The following SORCS1 variants were observed in gnomAD, a reference collection of about 807,000 sequenced individuals.
The protein encoded by SORCS1 is VPS10 domain-containing receptor SorCS1.
In SORCS1, 60 loss-of-function variants were observed where a neutral mutation model predicts 146.1. That is an observed-to-expected ratio of 0.41 (90% CI 0.33 to 0.51). The LOEUF is 0.51. Ranked by LOEUF, SORCS1 falls within the 20% of genes least tolerant of loss-of-function variation. The probability of loss-of-function intolerance (pLI) is 0.21; values close to 1 mark genes in which losing one functional copy is unlikely to be tolerated. For synonymous variants in SORCS1, 637 were observed against 584.0 expected (o/e 1.09, Z -1.31); for missense variants, 1,352 against 1,487.6 (o/e 0.91, Z 1.50).
chr10:106,838,013 G>A (rs1192263828), intron 2 of SORCS1, among the ~76,000 whole-genome samples: 2 of 152,178 alleles, frequency 1.3e-5, no homozygotes, highest in African/African-American at 4.8e-5. Context: ...TTTGTTCACA[G>A]ATGTCTTCCT....
intron 2 of SORCS1, among the ~76,000 whole-genome samples, chr10:106,876,609 G>T (rs59967257): frequency 0.051 from 7,756 of 152,230 alleles, 507 homozygotes; most frequent in African/African-American, 0.15. Context: ...CTACACAGTG[G>T]GTGGCAGTGG....
intron 2 of SORCS1, among the ~76,000 whole-genome samples, chr10:106,872,280 TA>T (rs1950439207): frequency 6.6e-6 from 1 of 152,168 alleles, no homozygotes. Flanking sequence ...AGGAAGTATA[TA>T]AGAGGCAGAG....
intron 18 of SORCS1, among the ~76,000 whole-genome samples, chr10:106,647,015 A>G (rs200558611): frequency 0.21 from 22,080 of 105,698 alleles, 2,172 homozygotes; most frequent in East Asian, 0.53. Context: ...GTGTATATAT[A>G]TATATATATA....
At chr10:106,733,617 A>G (rs974336133) in intron 5 of SORCS1, among the ~76,000 whole-genome samples, 1 of 152,180 alleles carries the variant, frequency 6.6e-6, no homozygotes, top group Non-Finnish European at 1.5e-5. Flanking sequence ...AAGACCAACT[A>G]TGTGTTTCAT....
rs565320552 is a variant in SORCS1, at chr10:106,606,472, A to T, written c.3165+694T>A. The stretch of plus-strand genomic sequence containing the variant: ...ATAAAAGTTGAACCTGTTAAAAAAG[A>T]TATGCATGTCATGTCATTTGCTTCT... On this transcript the variant is annotated intron_variant, in intron 23 of 25. Coordinates refer to ENST00000263054, the MANE Select transcript of SORCS1 (RefSeq NM_052918.5). Among the ~76,000 whole-genome samples, 64 of 152,322 alleles carry T rather than the reference A, an allele frequency of 4.2e-4. 3 individuals are homozygous for T. The South Asian group carries it at 0.013, about 30-fold the overall frequency.
intron 1 of SORCS1, among the ~76,000 whole-genome samples, chr10:107,046,373 C>A (rs1199557067): frequency 1.3e-5 from 2 of 152,020 alleles, no homozygotes; most frequent in African/African-American, 4.8e-5. Flanking sequence ...TATGTGGCCA[C>A]ATTAATATGT....
At chr10:107,009,454 T>C (rs1036537783) in intron 1 of SORCS1, among the ~76,000 whole-genome samples, 9 of 152,244 alleles carry the variant, frequency 5.9e-5, no homozygotes, top group African/African-American at 2.4e-5. Flanking sequence ...CAAGTATGAA[T>C]GTTTAAATTG....
intron 8 of SORCS1, 138 bp downstream of exon 8, chr10:106,706,407 C>A (rs1486064975): frequency 7.6e-6 from 6 of 789,932 alleles, no homozygotes; most frequent in South Asian, 1.7e-5. Context: ...TAAGGCAGAG[C>A]AAACTTGGGA....
chr10:106,970,642 A>T (rs1388955470), intron 1 of SORCS1, among the ~76,000 whole-genome samples: 3 of 151,794 alleles, frequency 2.0e-5, no homozygotes. Flanking sequence ...ACACCCAACC[A>T]GTCTCTAAGG....
At chr10:107,032,719 G>C (rs1022533118) in intron 1 of SORCS1, among the ~76,000 whole-genome samples, 1 of 152,182 alleles carries the variant, frequency 6.6e-6, no homozygotes, top group Non-Finnish European at 1.5e-5. Context: ...GCAGGGAAAT[G>C]ACAACAGAGC....
At position 106,607,220 on chromosome 10, in the gene SORCS1, T is replaced by C. The variant is rs755132309; in HGVS notation, c.3111A>G (p.Leu1037=). The change falls in exon 23 of 26, where the codon CTA becomes CTG. Residue 1037 remains leucine, a synonymous_variant. Coordinates refer to ENST00000263054, the MANE Select transcript of SORCS1 (RefSeq NM_052918.5). ...TTTCTCCAGCTGGATCCTGATAGGGTAGGACAAAGAGTTCAGCAGTGGTGG... is the reference window on the plus strand; with the variant it reads ...TTTCTCCAGCTGGATCCTGATAGGGCAGGACAAAGAGTTCAGCAGTGGTGG... ...GLPTTAELFV[L]PYQDPAGENK... 10 of 1,613,884 alleles carry C rather than the reference T, an allele frequency of 6.2e-6. No homozygotes were observed. Among genetic ancestry groups the C allele is most frequent in the Non-Finnish European group, 8.5e-6 (10 of 1,179,930 alleles).
At chr10:107,134,834 T>C (rs932868472) in intron 1 of SORCS1, among the ~76,000 whole-genome samples, 2 of 152,170 alleles carry the variant, frequency 1.3e-5, no homozygotes, top group Non-Finnish European at 2.9e-5. Flanking sequence ...AACTTAACTC[T>C]CGTTGCTCAG....
intron 1 of SORCS1, among the ~76,000 whole-genome samples, chr10:106,996,460 A>AT (rs1240326996): frequency 6.6e-6 from 1 of 152,082 alleles, no homozygotes; most frequent in Non-Finnish European, 1.5e-5. Flanking sequence ...CAAAATGCAT[A>AT]TTTTTCTGCT....
chr10:106,593,790 T>C (rs1415339984), intron 24 of SORCS1, among the ~76,000 whole-genome samples: 1 of 152,202 alleles, frequency 6.6e-6, no homozygotes, highest in African/African-American at 2.4e-5. Context: ...GATATTTTTT[T>C]CTTTGGTGAC....
intron 1 of SORCS1, among the ~76,000 whole-genome samples, chr10:106,961,456 T>G (rs1232661183): frequency 6.6e-6 from 1 of 152,232 alleles, no homozygotes; most frequent in Non-Finnish European, 1.5e-5. Context: ...AACCAAAATT[T>G]TTCTATGCTT....
chr10:106,850,813 A>G (rs1434676443), intron 2 of SORCS1, among the ~76,000 whole-genome samples: 1 of 152,196 alleles, frequency 6.6e-6, no homozygotes, highest in Admixed American at 6.5e-5. Flanking sequence ...AAGTCCAAAA[A>G]GGAGTCATTT....
chr10:106,613,741 GATTC>G (rs1468339263), intron 21 of SORCS1, among the ~76,000 whole-genome samples: 1 of 152,106 alleles, frequency 6.6e-6, no homozygotes, highest in African/African-American at 2.4e-5. Context: ...ATAAAATTTA[GATTC>G]TTACCACAGC....
intron 1 of SORCS1, among the ~76,000 whole-genome samples, chr10:106,997,005 G>A (rs1957030957): frequency 6.6e-6 from 1 of 151,942 alleles, no homozygotes; most frequent in African/African-American, 2.4e-5. Context: ...GAAAGAGGTA[G>A]GAGGACTGCA....
chr10:106,690,345 C>A (rs796199810), intron 9 of SORCS1, among the ~76,000 whole-genome samples: 43 of 152,254 alleles, frequency 2.8e-4, no homozygotes, highest in Admixed American at 2.6e-3. Flanking sequence ...GACAAATGAC[C>A]ATGTCTTAGC....
Sources: allele counts gnomAD v4.1 joint callset (sites outside exome capture counted in the v4.1 genomes callset), GRCh38; gene constraint gnomAD v4.1.1; transcripts MANE v1.5; gene names NCBI Gene and HGNC (gene_info 2026-07-23, HGNC 2026-07-21).